The following TOX2 variants were observed in gnomAD, a reference collection of about 807,000 sequenced individuals.
TOX2 encodes granulosa cell HMG box 1.
Under a neutral mutation model 47.4 loss-of-function variants are expected in TOX2, and 15 were observed. The ratio of observed to expected loss-of-function variants is 0.32; its 90% CI spans 0.21 to 0.49. The LOEUF is 0.49. Ranked by LOEUF, TOX2 falls within the 20% of genes least tolerant of loss-of-function variation. The probability of loss-of-function intolerance (pLI) is 0.99; values close to 1 mark genes in which losing one functional copy is unlikely to be tolerated. For missense variants in TOX2, 622 were observed against 673.1 expected (o/e 0.92, Z 0.84); for synonymous variants, 290 against 296.6 (o/e 0.98, Z 0.23).
At chr20:44,032,124 G>T (rs539698346) in intron 3 of TOX2, among the ~76,000 whole-genome samples, 10 of 152,280 alleles carry the variant, frequency 6.6e-5, no homozygotes, top group Admixed American at 5.2e-4. Context: ...AGGATGGTCG[G>T]GGAAGGCCTT....
chr20:44,063,805 A>AC (rs2071764059), intron 5 of TOX2, among the ~76,000 whole-genome samples: 1 of 127,404 alleles, frequency 7.8e-6, no homozygotes. Context: ...CACACACACA[A>AC]ACACCATGAA....
At chr20:43,977,107 A>G (rs1409098838) in intron 2 of TOX2, among the ~76,000 whole-genome samples, 2 of 152,148 alleles carry the variant, frequency 1.3e-5, no homozygotes, top group African/African-American at 2.4e-5. Context: ...TCCAATCAAT[A>G]TATGTATATA....
At position 44,051,528 on chromosome 20, in the gene TOX2, T is replaced by A. The variant is rs1456945209; in HGVS notation, c.634T>A (p.Ser212Thr). The A allele has an allele frequency of 6.3e-7, 1 of 1,597,784 alleles. No individual in the cohort carries two copies. The highest frequency in any genetic ancestry group is 1.3e-5 in the African/African-American group (1 of 74,292). ...SPSSSTQEEE[S>T]EVHFKISGEK... ...CTCCAGCTCCACTCAGGAAGAGGAG[T>A]CGGAAGTGCATTTCAAGGTATGTGC... The change falls in exon 4 of 9, where the codon TCG becomes ACG. Residue 212 changes from serine to threonine, a missense_variant. Physicochemically the swap from Ser to Thr is moderately conservative, Grantham distance 58 (BLOSUM62 1). This residue lies in a region of TOX2 where 307 missense variants were observed against 327.3 expected (regional missense o/e 0.94). Transcript: ENST00000341197.
intron 1 of TOX2, among the ~76,000 whole-genome samples, chr20:43,972,709 T>G (rs1187001940): frequency 2.0e-5 from 3 of 152,280 alleles, no homozygotes; most frequent in African/African-American, 7.2e-5. Flanking sequence ...CCCACATCTC[T>G]TCCCCTGCAC....
At chr20:44,032,087 G>GA (rs2071162620) in intron 3 of TOX2, among the ~76,000 whole-genome samples, 1 of 152,316 alleles carries the variant, frequency 6.6e-6, no homozygotes, top group South Asian at 2.1e-4. Flanking sequence ...GGTGTGAGGG[G>GA]CAGGGGAGCG....
intron 1 of TOX2, among the ~76,000 whole-genome samples, chr20:43,935,648 G>A (rs770367133): frequency 1.3e-5 from 2 of 151,820 alleles, no homozygotes; most frequent in South Asian, 2.1e-4. Context: ...TGGATCTGCC[G>A]GGTGGGGTGG....
chr20:44,068,552 C>A, intron 8 of TOX2, 98 bp from the exon 9 acceptor site: 4 of 1,327,122 alleles, frequency 3.0e-6, no homozygotes, highest in East Asian at 2.6e-5. Flanking sequence ...GCAGCTGAAT[C>A]CAGGGGTGGG....
chr20:44,057,186 G>T (rs2071634918), intron 5 of TOX2, among the ~76,000 whole-genome samples: 1 of 152,190 alleles, frequency 6.6e-6, no homozygotes, highest in Non-Finnish European at 1.5e-5. Context: ...CTCCCAAAGT[G>T]CTGGGATTAG....
At chr20:43,954,093 G>A (rs980247694) in intron 1 of TOX2, among the ~76,000 whole-genome samples, 4 of 152,194 alleles carry the variant, frequency 2.6e-5, no homozygotes, top group African/African-American at 9.7e-5. Context: ...CATCTGGGAT[G>A]AAATCCAAGT....
At chr20:43,921,754 G>A (rs970011890) in intron 1 of TOX2, among the ~76,000 whole-genome samples, 1 of 151,968 alleles carries the variant, frequency 6.6e-6, no homozygotes, top group African/African-American at 2.4e-5. Flanking sequence ...AAACTCCTGG[G>A]CTCAAATGAT....
chr20:44,052,475 C>T (rs918325114), intron 4 of TOX2, among the ~76,000 whole-genome samples: 3 of 152,176 alleles, frequency 2.0e-5, no homozygotes, highest in African/African-American at 7.2e-5. Context: ...ACGTGGTGGC[C>T]TCCCGAGGCC....
chr20:44,023,986 T>G (rs1263766407), intron 3 of TOX2, among the ~76,000 whole-genome samples: 4 of 152,180 alleles, frequency 2.6e-5, no homozygotes, highest in Non-Finnish European at 5.9e-5. Flanking sequence ...TCTGATCCGG[T>G]GGTGGCTTTT....
intron 2 of TOX2, among the ~76,000 whole-genome samples, chr20:43,975,206 C>T (rs1258375564): frequency 2.0e-5 from 3 of 151,998 alleles, no homozygotes; most frequent in Admixed American, 6.5e-5. Flanking sequence ...GTCCTTCCAC[C>T]AAGAAGGAAA....
intron 2 of TOX2, among the ~76,000 whole-genome samples, chr20:43,994,967 C>G (rs530599298): frequency 4.2e-4 from 64 of 152,188 alleles, no homozygotes; most frequent in African/African-American, 1.3e-3. Flanking sequence ...TGTGAGTGGC[C>G]TGGCTCGGCT....
intron 1 of TOX2, chr20:43,955,257 C>T (rs1174354597): frequency 2.0e-6 from 2 of 985,458 alleles, no homozygotes; most frequent in Admixed American, 6.1e-5. Context: ...TGGCTGAGAG[C>T]TGTGGATCTG....
chr20:43,989,241 C>A (rs1486436773), intron 2 of TOX2, among the ~76,000 whole-genome samples: 3 of 152,186 alleles, frequency 2.0e-5, no homozygotes, highest in African/African-American at 7.2e-5. Context: ...CTTCCCCAAG[C>A]ACTGCAAGCA....
chr20:44,049,026 G>C (rs2071463193), intron 3 of TOX2, among the ~76,000 whole-genome samples: 1 of 152,182 alleles, frequency 6.6e-6, no homozygotes, highest in African/African-American at 2.4e-5. Flanking sequence ...TGTTGTCCCA[G>C]CTACCTGGGA....
intron 1 of TOX2, among the ~76,000 whole-genome samples, chr20:43,968,980 T>C (rs1336759126): frequency 6.6e-6 from 1 of 152,274 alleles, no homozygotes; most frequent in Non-Finnish European, 1.5e-5. Context: ...CTTTGCTTTG[T>C]ATGTCTCTGT....
intron 1 of TOX2, among the ~76,000 whole-genome samples, chr20:43,971,306 T>C (rs1176688494): frequency 6.6e-6 from 1 of 152,126 alleles, no homozygotes; most frequent in Non-Finnish European, 1.5e-5. Flanking sequence ...ATATAGTAAA[T>C]ATAGAGAATG....
Sources: allele counts gnomAD v4.1 joint callset (sites outside exome capture counted in the v4.1 genomes callset), GRCh38; gene constraint gnomAD v4.1.1; regional missense constraint gnomAD v4.1.1; transcripts MANE v1.5; gene names NCBI Gene and HGNC (gene_info 2026-07-23, HGNC 2026-07-21).